The following ZFHX3 variants were observed in gnomAD, a reference collection of about 807,000 sequenced individuals.
The protein encoded by ZFHX3 is zinc finger homeobox 3, also known as zinc finger homeobox protein 3.
Under a neutral mutation model 279.1 loss-of-function variants are expected in ZFHX3, and 42 were observed. The ratio of observed to expected loss-of-function variants is 0.15; its 90% confidence interval spans 0.12 to 0.19. The LOEUF (loss-of-function observed/expected upper bound fraction) is 0.19. Ranked by LOEUF, ZFHX3 falls within the 10% of genes least tolerant of loss-of-function variation. The pLI is 1.00. For synonymous variants in ZFHX3, 2,293 were observed against 1,957.8 expected (o/e 1.17, Z -4.52); for missense variants, 4,981 against 4,754.0 (o/e 1.05, Z -1.40).
chr16:73,072,990 G>A (rs897142008), intron 8 of ZFHX3, among the ~76,000 whole-genome samples: 1 of 151,902 alleles, frequency 6.6e-6, no homozygotes, highest in Non-Finnish European at 1.5e-5. Context: ...TCCATTTCCC[G>A]GGTTTAAGCG....
intron 1 of ZFHX3, among the ~76,000 whole-genome samples, chr16:73,768,442 C>T (rs537441206): frequency 6.6e-6 from 1 of 152,114 alleles, no homozygotes; most frequent in South Asian, 2.1e-4. Flanking sequence ...GAGCCCAACC[C>T]CTATGATAGT....
chr16:73,769,464 G>A (rs1301643076), intron 1 of ZFHX3, among the ~76,000 whole-genome samples: 7 of 152,070 alleles, frequency 4.6e-5, no homozygotes, highest in Non-Finnish European at 8.8e-5. Flanking sequence ...TTCATCAAAT[G>A]CTTGCAGAAT....
intron 2 of ZFHX3, among the ~76,000 whole-genome samples, chr16:73,594,262 C>A (rs1567528329): frequency 6.6e-6 from 1 of 151,802 alleles, no homozygotes; most frequent in Non-Finnish European, 1.5e-5. Context: ...TGTAAAATAG[C>A]ATAAAATACA....
In ZFHX3 at chr16:72,950,717, G is replaced by C. The variant is rs142600441; in HGVS notation, c.2968C>G (p.Arg990Gly). The C allele has an allele frequency of 6.2e-7, 1 of 1,614,182 alleles. No individual in the cohort carries two copies. The highest frequency in any genetic ancestry group is 1.6e-4 in the Middle Eastern group (1 of 6,062). The change falls in exon 3 of 10, where the codon CGC becomes GGC. Residue 990 changes from arginine (R) to glycine (G), a missense_variant. Physicochemically the swap from Arg to Gly is moderately radical, Grantham distance 125. This residue lies in a region of ZFHX3 where 1,751 missense variants were observed against 1,770.0 expected (regional missense o/e 0.99). Coordinates refer to ENST00000268489, the MANE Select transcript of ZFHX3 (RefSeq NM_006885.4). ...TTGGCCTTGAGCTGGGTGTTGTAGCGGCAGAGCTTGCACTGGTATGAGTCC... is the reference window on the plus strand; with the variant it reads ...TTGGCCTTGAGCTGGGTGTTGTAGCCGCAGAGCTTGCACTGGTATGAGTCC... Reference protein sequence around the residue: ...MGDSYQCKLCRYNTQLKANFQ... With the variant: ...MGDSYQCKLCGYNTQLKANFQ...
chr16:73,473,339 C>CAAAAAAAAAAAAAAAAAAGAAAAAAAA (rs11347779), intron 2 of ZFHX3, among the ~76,000 whole-genome samples: 2 of 76,660 alleles, frequency 2.6e-5, no homozygotes, highest in Admixed American at 1.7e-4. Context: ...TGTCTCAAAG[C>CAAAAAAAAAAAAAAAAAAGAAAAAAAA]AAAAAAAAAA....
intron 2 of ZFHX3, among the ~76,000 whole-genome samples, chr16:73,578,904 C>G (rs77200902): frequency 0.031 from 4,786 of 152,220 alleles, 306 homozygotes; most frequent in Admixed American, 0.14. Flanking sequence ...CTGAATGCAC[C>G]TCTCCTCTCC....
chr16:72,831,951 T>G (rs536437710), intron 4 of ZFHX3, among the ~76,000 whole-genome samples: 41 of 152,294 alleles, frequency 2.7e-4, no homozygotes, highest in African/African-American at 9.6e-4. Flanking sequence ...CACAAAAAAT[T>G]TGCAATCTCC....
At chr16:73,581,539 C>T (rs569855163) in intron 2 of ZFHX3, among the ~76,000 whole-genome samples, 29 of 151,586 alleles carry the variant, frequency 1.9e-4, no homozygotes, top group African/African-American at 4.6e-4. Context: ...GTTTAAGTAC[C>T]GCAGTGATTT....
At chr16:73,104,385 C>A (rs1434183524) in intron 7 of ZFHX3, among the ~76,000 whole-genome samples, 1 of 152,124 alleles carries the variant, frequency 6.6e-6, no homozygotes, top group East Asian at 1.9e-4. Flanking sequence ...TGCGCACCAC[C>A]ACGTCCAGCT....
chr16:73,240,314 G>T lies in ZFHX3; in HGVS notation c.-1104+16733C>A, dbSNP rs546851997. ...GCTCACTGCAACCTCCACCTCCTGG[G>T]TTCAAGTGATTCTCCAGCCTCAGCC... is the stretch of plus-strand genomic sequence containing the variant. On this transcript the variant is annotated intron_variant, in intron 5 of 17. Coordinates refer to the ZFHX3 transcript ENST00000641206. Among the ~76,000 whole-genome samples, 52 of 152,044 alleles carry T rather than the reference G, an allele frequency of 3.4e-4. 1 individual carries two copies. In the South Asian group the frequency reaches 0.01, roughly 30 times the overall value.
intron 8 of ZFHX3, among the ~76,000 whole-genome samples, chr16:73,075,455 C>T (rs1965877400): frequency 6.6e-6 from 1 of 152,084 alleles, no homozygotes; most frequent in Non-Finnish European, 1.5e-5. Context: ...GATTTAGTAC[C>T]TAATACTTCT....
intron 6 of ZFHX3, among the ~76,000 whole-genome samples, chr16:73,142,284 A>G (rs1247469331): frequency 1.3e-5 from 2 of 152,130 alleles, no homozygotes; most frequent in Non-Finnish European, 2.9e-5. Context: ...GTCCTTGTTA[A>G]AGGTCAGGAC....
chr16:72,968,424 T>C (rs540055239), intron 1 of ZFHX3, among the ~76,000 whole-genome samples: 2 of 151,842 alleles, frequency 1.3e-5, no homozygotes, highest in South Asian at 2.1e-4. Context: ...TAAGGTTTTG[T>C]AGATGGGCTA....
At chr16:73,540,782 C>T (rs1340318580) in intron 2 of ZFHX3, among the ~76,000 whole-genome samples, 2 of 152,180 alleles carry the variant, frequency 1.3e-5, no homozygotes, top group Non-Finnish European at 2.9e-5. Flanking sequence ...ACCATATTTG[C>T]CAATTCCAGA....
chr16:73,758,803 T>A (rs556611982), intron 1 of ZFHX3, among the ~76,000 whole-genome samples: 1 of 152,368 alleles, frequency 6.6e-6, no homozygotes, highest in African/African-American at 2.4e-5. Flanking sequence ...CTTAGTTTTG[T>A]ATCTCCCCCT....
chr16:73,148,103 T>G (rs1966875910), intron 5 of ZFHX3, among the ~76,000 whole-genome samples: 1 of 152,204 alleles, frequency 6.6e-6, no homozygotes, highest in South Asian at 2.1e-4. Flanking sequence ...TAAAGTTTTA[T>G]TGGAACGCAG....
chr16:72,991,290 A>G (rs558712836), intron 1 of ZFHX3, among the ~76,000 whole-genome samples: 8 of 152,340 alleles, frequency 5.3e-5, no homozygotes, highest in African/African-American at 1.4e-4. Flanking sequence ...ATAGGCATGT[A>G]GGTAGAGAAA....
chr16:73,583,967 A>C (rs573777183), intron 2 of ZFHX3, among the ~76,000 whole-genome samples: 44 of 152,238 alleles, frequency 2.9e-4, no homozygotes, highest in Non-Finnish European at 6.0e-4. Context: ...GGGCAAATAA[A>C]AAATAAATAG....
intron 5 of ZFHX3, among the ~76,000 whole-genome samples, chr16:73,220,730 C>T (rs1206800877): frequency 6.6e-6 from 1 of 151,970 alleles, no homozygotes; most frequent in Non-Finnish European, 1.5e-5. Flanking sequence ...GTCTGTGGGG[C>T]TGTGTTCACC....
Sources: allele counts gnomAD v4.1 joint callset (sites outside exome capture counted in the v4.1 genomes callset), GRCh38; gene constraint gnomAD v4.1.1; regional missense constraint gnomAD v4.1.1; transcripts MANE v1.5; gene names NCBI Gene and HGNC (gene_info 2026-07-23, HGNC 2026-07-21).